Variants in EFCAB9 observed in about 807,000 individuals in gnomAD.
EFCAB9 encodes the protein EF-hand calcium binding domain 9, also known as EF-hand calcium-binding domain-containing protein 9.
In EFCAB9, 16 loss-of-function variants were observed where a neutral mutation model predicts 15.6. The observed-to-expected ratio is 1.03, with a 90% CI of 0.69 to 1.56. The LOEUF (loss-of-function observed/expected upper bound fraction) is 1.56, where lower values mean the gene tolerates loss of function less well. EFCAB9 is among the 40% of genes most tolerant of loss of function. The pLI is 0.00. For missense variants in EFCAB9, 208 were observed against 235.4 expected (o/e 0.88, Z 0.76); for synonymous variants, 76 against 85.4 (o/e 0.89, Z 0.61).
rs1441812420 is a variant in EFCAB9, at chr5:172,194,316, CT to C, written c.136+11del. On this transcript the variant is annotated intron_variant, in intron 1 of 3. Coordinates refer to ENST00000398186, the MANE Select transcript of EFCAB9 (RefSeq NM_001171183.2). ...GCAAGAACACCTTGAATGGTCAGTA[CT>C]TTCAGACATGTCTCCTCTGGGTCCT... 64 of 1,537,574 alleles carry C rather than the reference CT, an allele frequency of 4.2e-5. No homozygotes were observed. Among genetic ancestry groups the C allele is most frequent in the Non-Finnish European group, 5.0e-5 (57 of 1,146,948 alleles).
chr5:172,196,312 T>C (rs1771161116), intron 1 of EFCAB9, among the ~76,000 whole-genome samples: 1 of 152,182 alleles, frequency 6.6e-6, no homozygotes, highest in Non-Finnish European at 1.5e-5. Context: ...TGACTACTAA[T>C]TTGCTGTGCT....
In EFCAB9 at chr5:172,194,192, C is replaced by T. The variant is rs1771115682; in HGVS notation, c.20C>T (p.Ser7Leu). Residue 7 changes from serine (S) to leucine (L), a missense_variant, in exon 1 of 4, where the codon TCG becomes TTG. Ser to Leu is a moderately radical substitution (Grantham distance 145, BLOSUM62 -2). Transcript: ENST00000398186. The stretch of plus-strand genomic sequence containing the variant: ...ACTAAGATGAGACTGAAGCAAGGAT[C>T]GTTTCTGTGGTACCTCTATCTGGAC... The part of the protein sequence containing the change: MRLKQG[S>L]FLWYLYLDKI... The T allele has an allele frequency of 3.3e-6, 5 of 1,537,394 alleles. No individual in the cohort carries two copies. The highest frequency in any genetic ancestry group is 4.4e-6 in the Non-Finnish European group (5 of 1,146,938).
chr5:172,195,951 G>A (rs1267219681), intron 1 of EFCAB9, among the ~76,000 whole-genome samples: 4 of 152,000 alleles, frequency 2.6e-5, no homozygotes, highest in East Asian at 1.9e-4. Flanking sequence ...CTACAGCTGT[G>A]CACCACCACA....
intron 1 of EFCAB9, 68 bp from the exon 2 acceptor site, chr5:172,199,315 C>T (rs958759708): frequency 3.4e-6 from 5 of 1,491,650 alleles, no homozygotes; most frequent in African/African-American, 2.8e-5. Context: ...ATTTACATGG[C>T]TTCTAGCTGT....
At chr5:172,201,347 C>A (rs906377496) in intron 3 of EFCAB9, among the ~76,000 whole-genome samples, 1 of 151,548 alleles carries the variant, frequency 6.6e-6, no homozygotes, top group Non-Finnish European at 1.5e-5. Flanking sequence ...GTACTCCAGC[C>A]TGGGCAACAA....
intron 1 of EFCAB9, among the ~76,000 whole-genome samples, chr5:172,194,790 A>G (rs1267873833): frequency 2.6e-5 from 4 of 152,100 alleles, no homozygotes; most frequent in Non-Finnish European, 4.4e-5. Flanking sequence ...GGAGGAGAAA[A>G]TTGCAGACTC....
Position 172,203,097 on chromosome 5 carries a change from T to A in EFCAB9, c.463-117T>A. 3.0e-6 allele frequency: 3 copies of A among 1,003,126 alleles called. No individual in the cohort carries two copies. In the South Asian group the frequency reaches 5.5e-5, roughly 18 times the overall value. 62.1% of individuals were successfully genotyped at this position (1,003,126 alleles called of 1,614,324 possible). ...CGGACTATAATTATGTCCCAATTAC[T>A]GAGTGTCTTTAATTTTCCAAGTTTT... On this transcript the variant is annotated intron_variant, in intron 3 of 3. Coordinates refer to ENST00000398186, the MANE Select transcript of EFCAB9 (RefSeq NM_001171183.2).
At position 172,202,767 on chromosome 5, in the gene EFCAB9, C is replaced by T. The variant is rs1328462232; in HGVS notation, c.463-447C>T. 6.6e-5 allele frequency among the ~76,000 whole-genome samples: 10 copies of T among 151,266 alleles called. No homozygotes were observed. The East Asian group carries it at 7.7e-4, about 12-fold the overall frequency. The stretch of plus-strand genomic sequence containing the variant: ...CTGTAATCCCAGCACTTTGGGAGGC[C>T]GAGGCAGGCGGGTCATGAGGTCAGG... On this transcript the variant is annotated intron_variant, in intron 3 of 3. Coordinates refer to ENST00000398186, the MANE Select transcript of EFCAB9 (RefSeq NM_001171183.2).
rs113711948 is a variant in EFCAB9 at position 172,197,056 on chromosome 5, AG to A, written c.137-2324del. ...CACCATGGAAAAAAACACCACGGTGAGGGAAATCCACACTCGAACCCCAGCT... is the reference window on the plus strand; with the variant it reads ...CACCATGGAAAAAAACACCACGGTGAGGAAATCCACACTCGAACCCCAGCT... On this transcript the variant is annotated intron_variant, in intron 1 of 3. Transcript: ENST00000398186. Among the ~76,000 whole-genome samples, 457 of 152,196 alleles carry A rather than the reference AG, an allele frequency of 3.0e-3. 4 individuals carry two copies. The South Asian group carries it at 0.037, about 12-fold the overall frequency.
At chr5:172,203,178 G>T (rs1263586332) in intron 3 of EFCAB9, 36 bp from the exon 4 acceptor site, 1 of 1,452,916 alleles carries the variant, frequency 6.9e-7, no homozygotes. Context: ...AGTTTTTCCT[G>T]AAATAATTTT....
chr5:172,198,680 G>A (rs1212467424), intron 1 of EFCAB9, among the ~76,000 whole-genome samples: 3 of 151,970 alleles, frequency 2.0e-5, no homozygotes, highest in South Asian at 2.1e-4. Flanking sequence ...GCAGCAGCAC[G>A]ATCTTGGCTC....
rs766049020 is a variant in EFCAB9 at position 172,203,318 on chromosome 5, T to C, written c.567T>C (p.Ser189=). 65 of 1,533,862 alleles carry C rather than the reference T, an allele frequency of 4.2e-5. No individual in the cohort carries two copies. Among genetic ancestry groups the C allele is most frequent in the Non-Finnish European group, 5.1e-5 (59 of 1,146,158 alleles). Residue 189 remains serine (S), a synonymous_variant, in exon 4 of 4, where the codon AGT becomes AGC. Transcript: ENST00000398186. ...AAGAAAAAGGAGAGAGAAAGAGAAG[T>C]CTCTACTCAAAATGTCACATCAAGT... is the stretch of plus-strand genomic sequence containing the variant. ...EEKEKGERKR[S]LYSKCHIK is the part of the protein sequence containing the mutation.
intron 3 of EFCAB9, among the ~76,000 whole-genome samples, chr5:172,202,860 C>T (rs944859985): frequency 4.6e-5 from 7 of 152,062 alleles, no homozygotes. Context: ...ATTAGCTGGG[C>T]GTGGTGGTGT....
rs922034256 is a variant in EFCAB9 at position 172,200,594 on chromosome 5, G to T, written c.314G>T (p.Arg105Leu). 4 of 1,536,894 alleles carry T rather than the reference G, an allele frequency of 2.6e-6. No individual in the cohort carries two copies. Among genetic ancestry groups the T allele is most frequent in the Non-Finnish European group, 3.5e-6 (4 of 1,146,812 alleles). The part of the protein sequence containing the change: ...QNHLEGQFMY[R>L]HSRPVFDLLD... ...CATTTGGAAGGACAGTTTATGTATCGTCATTCCCGGCCTGTCTTTGACCTG... is the reference window on the plus strand; with the variant it reads ...CATTTGGAAGGACAGTTTATGTATCTTCATTCCCGGCCTGTCTTTGACCTG... The change falls in exon 3 of 4, where the codon CGT (arginine) becomes CTT (leucine). Residue 105 changes from arginine (R) to leucine (L), a missense_variant. Coordinates refer to ENST00000398186, the MANE Select transcript of EFCAB9 (RefSeq NM_001171183.2).
intron 3 of EFCAB9, 74 bp downstream of exon 3, chr5:172,200,816 T>C: frequency 7.2e-7 from 1 of 1,387,046 alleles, no homozygotes. Flanking sequence ...TCCTACTACA[T>C]ATAGGAGAGA....
At chr5:172,199,673 C>T in intron 2 of EFCAB9, 142 bp downstream of exon 2, 1 of 1,273,816 alleles carries the variant, frequency 7.9e-7, no homozygotes, top group Middle Eastern at 2.8e-4. Context: ...CCGAATGGTT[C>T]AGGTTTTTCA....
chr5:172,200,542 T>C, intron 2 of EFCAB9, 24 bp from the exon 3 acceptor site: 1 of 1,526,874 alleles, frequency 6.5e-7, no homozygotes, highest in Non-Finnish European at 8.8e-7. Context: ...CTGTTGCTCA[T>C]CTCACCTATT....
intron 3 of EFCAB9, among the ~76,000 whole-genome samples, chr5:172,202,104 G>C (rs1406284791): frequency 6.6e-6 from 1 of 152,024 alleles, no homozygotes; most frequent in East Asian, 1.9e-4. Context: ...ACTTTGGGAG[G>C]CCGAGGTGGG....
intron 1 of EFCAB9, among the ~76,000 whole-genome samples, chr5:172,199,098 T>C (rs1428013359): frequency 2.0e-5 from 3 of 152,186 alleles, no homozygotes; most frequent in Non-Finnish European, 4.4e-5. Flanking sequence ...GCTGTGTACA[T>C]ATCTGTCTGC....
Sources: allele counts gnomAD v4.1 joint callset (sites outside exome capture counted in the v4.1 genomes callset), GRCh38; gene constraint gnomAD v4.1.1; transcripts MANE v1.5; gene names NCBI Gene and HGNC (gene_info 2026-07-23, HGNC 2026-07-21).